Variants in TBC1D5 observed in about 807,000 individuals in gnomAD.
TBC1D5 encodes TBC1 domain family member 5, also known as TBC1 domain family, member 5.
TBC1D5 carries 75 observed loss-of-function variants against 100.3 expected under a neutral mutation model. The observed-to-expected ratio is 0.75, with a 90% CI of 0.62 to 0.91. TBC1D5 has a LOEUF of 0.91. Ranked by LOEUF, TBC1D5 falls within the 40% of genes least tolerant of loss-of-function variation. The pLI is 0.00. For synonymous variants in TBC1D5, 323 were observed against 325.6 expected (o/e 0.99, Z 0.09); for missense variants, 910 against 942.4 (o/e 0.97, Z 0.45).
chr3:17,427,381 A>C (rs907555707), intron 4 of TBC1D5, among the ~76,000 whole-genome samples: 1 of 151,974 alleles, frequency 6.6e-6, no homozygotes, highest in Non-Finnish European at 1.5e-5. Flanking sequence ...CATTTACTAC[A>C]TTTTTGTCAA....
chr3:17,705,924 G>T, intron 1 of TBC1D5: 1 of 1,045,058 alleles, frequency 9.6e-7, no homozygotes, highest in East Asian at 2.6e-5. Context: ...GGGCCCGCGG[G>T]GCCCGTCCGC....
At chr3:17,311,267 T>C (rs1159704859) in intron 13 of TBC1D5, among the ~76,000 whole-genome samples, 1 of 152,076 alleles carries the variant, frequency 6.6e-6, no homozygotes, top group African/African-American at 2.4e-5. Context: ...TCTTGCTTTA[T>C]GTATGTTACA....
chr3:17,343,653 C>T (rs1335587011), intron 13 of TBC1D5, among the ~76,000 whole-genome samples: 17 of 151,078 alleles, frequency 1.1e-4, no homozygotes, highest in Middle Eastern at 3.4e-3. Flanking sequence ...GATCCTGTTA[C>T]TGGTCTATTC....
rs1198055325 is a variant in TBC1D5 at position 17,206,394 on chromosome 3, T to A, written c.1752+7813A>T. On this transcript the variant is annotated intron_variant, in intron 18 of 21. Coordinates refer to ENST00000253692, the Ensembl canonical transcript of TBC1D5. Reference sequence around the variant, plus strand: ...CTCTCTTATATTTCTTAAACAGATATAATGTCTTAAATTATAATTTCTAGA... The same window carrying A: ...CTCTCTTATATTTCTTAAACAGATAAAATGTCTTAAATTATAATTTCTAGA... Among the ~76,000 whole-genome samples, 7 of 152,336 alleles carry A rather than the reference T, an allele frequency of 4.6e-5. No individual in the cohort carries two copies. The East Asian group carries it at 9.6e-4, about 21-fold the overall frequency.
chr3:17,246,079 C>T (rs1461366249), intron 16 of TBC1D5, among the ~76,000 whole-genome samples: 2 of 151,902 alleles, frequency 1.3e-5, no homozygotes, highest in Admixed American at 6.6e-5. Context: ...CTGCAGTAAA[C>T]ATATACTAAG....
chr3:17,556,822 T>C (rs2096525298), intron 2 of TBC1D5, among the ~76,000 whole-genome samples: 1 of 152,160 alleles, frequency 6.6e-6, no homozygotes, highest in African/African-American at 2.4e-5. Context: ...GAACAATAAT[T>C]TACATACAGA....
chr3:17,165,429 A>G (rs1021119136), intron 21 of TBC1D5, among the ~76,000 whole-genome samples: 8 of 152,242 alleles, frequency 5.3e-5, no homozygotes, highest in Non-Finnish European at 1.2e-4. Flanking sequence ...AAATGATTGA[A>G]AAATAAAACA....
intron 2 of TBC1D5, among the ~76,000 whole-genome samples, chr3:17,614,368 G>A (rs373416380): frequency 3.3e-5 from 5 of 152,118 alleles, no homozygotes; most frequent in Non-Finnish European, 5.9e-5. Context: ...TTCGCAATGC[G>A]GGCTCTTTTT....
intron 2 of TBC1D5, among the ~76,000 whole-genome samples, chr3:17,540,634 C>A (rs1480329962): frequency 6.6e-6 from 1 of 152,062 alleles, no homozygotes; most frequent in Non-Finnish European, 1.5e-5. Flanking sequence ...ACTGGCTGGG[C>A]ACAGTGGCTC....
intron 2 of TBC1D5, among the ~76,000 whole-genome samples, chr3:17,570,494 A>G (rs2096620269): frequency 6.6e-6 from 1 of 151,978 alleles, no homozygotes; most frequent in Non-Finnish European, 1.5e-5. Context: ...AATTTTTCAA[A>G]CTTTCAGAAA....
At chr3:17,652,448 T>C (rs1277271920) in intron 1 of TBC1D5, among the ~76,000 whole-genome samples, 7 of 152,206 alleles carry the variant, frequency 4.6e-5, no homozygotes, top group African/African-American at 1.7e-4. Context: ...GTATTTATTA[T>C]ACATGTTTCC....
chr3:17,657,992 T>G (rs2153734528), intron 1 of TBC1D5, among the ~76,000 whole-genome samples: 1 of 152,340 alleles, frequency 6.6e-6, no homozygotes, highest in Non-Finnish European at 1.5e-5. Flanking sequence ...ATTTTACTGT[T>G]CCTTTTCTAT....
At chr3:17,729,446 G>A (rs966055659) in intron 1 of TBC1D5, among the ~76,000 whole-genome samples, 8 of 152,084 alleles carry the variant, frequency 5.3e-5, no homozygotes, top group Non-Finnish European at 1.0e-4. Context: ...GGTGGCTCAC[G>A]CCTATAATCT....
chr3:17,256,742 T>C (rs1179289853), intron 16 of TBC1D5, among the ~76,000 whole-genome samples: 2 of 152,168 alleles, frequency 1.3e-5, no homozygotes, highest in Non-Finnish European at 1.5e-5. Flanking sequence ...AGTGGAGACG[T>C]TGGGGAGACA....
At chr3:17,351,054 A>G (rs2090513914) in intron 13 of TBC1D5, among the ~76,000 whole-genome samples, 1 of 152,196 alleles carries the variant, frequency 6.6e-6, no homozygotes. Context: ...TTAGGAAGGA[A>G]TATTATTTTA....
intron 13 of TBC1D5, among the ~76,000 whole-genome samples, chr3:17,334,735 T>C (rs980958572): frequency 3.9e-5 from 6 of 152,178 alleles, no homozygotes; most frequent in African/African-American, 1.4e-4. Context: ...TAAATCTAAA[T>C]ATTAAAATAC....
intron 13 of TBC1D5, among the ~76,000 whole-genome samples, chr3:17,341,859 C>G (rs2089007258): frequency 6.6e-6 from 1 of 152,110 alleles, no homozygotes; most frequent in Non-Finnish European, 1.5e-5. Flanking sequence ...TCTCCCACCC[C>G]AACTTTTATC....
chr3:17,618,494 C>T (rs1282581035), intron 2 of TBC1D5, among the ~76,000 whole-genome samples: 1 of 152,242 alleles, frequency 6.6e-6, no homozygotes, highest in East Asian at 1.9e-4. Context: ...TTCAGCTATG[C>T]CCTCCCCACA....
At chr3:17,200,060 T>C (rs200458516) in intron 18 of TBC1D5, among the ~76,000 whole-genome samples, 1 of 151,938 alleles carries the variant, frequency 6.6e-6, no homozygotes, top group South Asian at 2.1e-4. Context: ...CAATTGTTTT[T>C]CAAGTAGAAA....
Sources: allele counts gnomAD v4.1 joint callset (sites outside exome capture counted in the v4.1 genomes callset), GRCh38; gene constraint gnomAD v4.1.1; transcripts MANE v1.5; gene names NCBI Gene and HGNC (gene_info 2026-07-23, HGNC 2026-07-21).